RABEP2: variants seen among roughly 807,000 people sequenced by gnomAD.
RABEP2 encodes rabaptin, RAB GTPase binding effector protein 2, also known as rab GTPase-binding effector protein 2.
Under a neutral mutation model 74.1 loss-of-function variants are expected in RABEP2, and 57 were observed. The observed-to-expected ratio is 0.77, with a 90% CI of 0.62 to 0.96. The LOEUF is 0.96. Among genes scored for constraint, RABEP2 ranks in the 40% least tolerant of loss-of-function variants. RABEP2 has a pLI of 0.00. For missense variants in RABEP2, 692 were observed against 756.3 expected, an observed-to-expected ratio of 0.91 and a Z score of 1.00; for synonymous variants, 351 against 344.0, an observed-to-expected ratio of 1.02 and a Z score of -0.23.
intron 5 of RABEP2, among the ~76,000 whole-genome samples, chr16:28,912,549 T>C (rs1964329679): frequency 6.6e-6 from 1 of 151,790 alleles, no homozygotes; most frequent in Non-Finnish European, 1.5e-5. Flanking sequence ...GTAGCCTGGA[T>C]CATAGGCATG....
chr16:28,921,055 G>C, intron 2 of RABEP2: 1 of 406,882 alleles, frequency 2.5e-6, no homozygotes, highest in South Asian at 1.7e-5. Flanking sequence ...GTAGAGACGG[G>C]GTCTCACCAT....
chr16:28,905,416 C>T lies in RABEP2; in HGVS notation c.1589G>A (p.Arg530Gln), dbSNP rs769823303. ...TSEQVQRDFV[R>Q]LSQALQVRLE... ...CCATACCTGCAGGGCCTGGGACAGTCGCACGAAATCCCTCTGCACCTGCTC... is the reference window on the plus strand; with the variant it reads ...CCATACCTGCAGGGCCTGGGACAGTTGCACGAAATCCCTCTGCACCTGCTC... Residue 530 changes from arginine to glutamine, a missense_variant, in exon 12 of 13, where the codon CGA becomes CAA. Physicochemically the swap from Arg to Gln is conservative, Grantham distance 43. Transcript: ENST00000358201. 1.8e-5 allele frequency: 29 copies of T among 1,606,262 alleles called. 1 individual carries two copies. The South Asian group carries it at 2.7e-4, about 15-fold the overall frequency.
chr16:28,924,865 C>G (rs775590820), intron 1 of RABEP2: 1 of 738,610 alleles, frequency 1.4e-6, no homozygotes, highest in South Asian at 1.5e-5. Flanking sequence ...GCCCCGCCCT[C>G]CTAGTGGCCG....
At chr16:28,913,814 C>G (rs1011976104) in intron 5 of RABEP2, among the ~76,000 whole-genome samples, 1 of 142,302 alleles carries the variant, frequency 7.0e-6, no homozygotes, top group Non-Finnish European at 1.5e-5. Context: ...CAGGTTCTCA[C>G]TCTGTGACCC....
At chr16:28,905,107 G>T (rs1300321944) in intron 12 of RABEP2, 63 bp from the exon 13 acceptor site, 2 of 1,408,528 alleles carry the variant, frequency 1.4e-6, no homozygotes, top group Non-Finnish European at 1.9e-6. Flanking sequence ...TACCCCACCT[G>T]CCAGCCCCCA....
intron 2 of RABEP2, 146 bp downstream of exon 2, chr16:28,924,257 G>A (rs1026975575): frequency 2.4e-5 from 17 of 722,782 alleles, no homozygotes; most frequent in Non-Finnish European, 3.8e-5. Context: ...TTAAAAGGGC[G>A]GCCCTTCCTC....
chr16:28,925,085 G>T lies in RABEP2; in HGVS notation c.61+18C>A. On this transcript the variant is annotated intron_variant, in intron 1 of 12. Coordinates refer to ENST00000358201, the MANE Select transcript of RABEP2 (RefSeq NM_024816.3). ...CAGCATCACCGTTCCCCGCTTGCAC[G>T]GACGCCCCCTCACGTACCAGCCCCC... is the stretch of plus-strand genomic sequence containing the variant. 2 of 1,546,312 alleles carry T rather than the reference G, an allele frequency of 1.3e-6. No homozygotes were observed. Among genetic ancestry groups the T allele is most frequent in the Non-Finnish European group, 1.7e-6 (2 of 1,154,880 alleles).
intron 1 of RABEP2, 168 bp from the exon 2 acceptor site, chr16:28,924,783 T>G: frequency 1.7e-6 from 1 of 595,754 alleles, no homozygotes; most frequent in Non-Finnish European, 3.0e-6. Flanking sequence ...CCACTCGCTC[T>G]GCCGGGTGCT....
chr16:28,916,607 G>C (rs746113993), intron 3 of RABEP2, among the ~76,000 whole-genome samples: 4 of 150,574 alleles, frequency 2.7e-5, no homozygotes, highest in Non-Finnish European at 4.4e-5. Flanking sequence ...GGGAGGTGGA[G>C]GTTGCAGTGA....
rs1964189554 is a variant in RABEP2 at position 28,904,498 on chromosome 16, G to A, written c.*445C>T. The A allele has an allele frequency of 6.7e-7, 1 of 1,489,534 alleles. No homozygotes were observed. The highest frequency in any genetic ancestry group is 1.2e-5 in the South Asian group (1 of 82,780). The allele number at this position is 1,489,534 out of a possible 1,614,324, so 92.3% of individuals were successfully genotyped here. ...CCTCTGTGCAAGCTTGGAGGCCTGGGTCGCCGCTGTGGACAAGCGTCTTAG... is the reference window on the plus strand; with the variant it reads ...CCTCTGTGCAAGCTTGGAGGCCTGGATCGCCGCTGTGGACAAGCGTCTTAG... On this transcript the variant is annotated 3_prime_UTR_variant, in exon 13 of 13. Transcript: ENST00000358201.
intron 5 of RABEP2, among the ~76,000 whole-genome samples, 176 bp downstream of exon 5, chr16:28,914,060 C>T (rs985521380): frequency 6.6e-6 from 1 of 151,900 alleles, no homozygotes; most frequent in Non-Finnish European, 1.5e-5. Context: ...CAGGTGTGAG[C>T]CACCGCACCT....
At chr16:28,918,061 G>GTTTTTTGTTTTTTTTTTTTT (rs1964417632) in intron 3 of RABEP2, 1 of 93,220 alleles carries the variant, frequency 1.1e-5, no homozygotes, top group Non-Finnish European at 2.1e-5. Context: ...TCCTATAATT[G>GTTTTTTGTTTTTTTTTTTTT]TTTTTTTTTT....
rs202010929 is a variant in RABEP2, at chr16:28,906,099, G to C, written c.1343C>G (p.Thr448Arg). Residue 448 changes from threonine to arginine, a missense_variant, in exon 9 of 13, where the codon ACG becomes AGG. Physicochemically the swap from Thr to Arg is moderately conservative, Grantham distance 71 (BLOSUM62 -1). Transcript: ENST00000358201. ...CTCCTCCTCCAGAGCCTCCCGCAGC[G>C]TCACGATCTCGATCCGCAGGCGCTC... is the stretch of plus-strand genomic sequence containing the variant. ...GAERLRIEIV[T>R]LREALEEETV... The C allele has an allele frequency of 1.1e-5, 17 of 1,596,630 alleles. No homozygotes were observed. The African/African-American group carries it at 1.5e-4, about 14-fold the overall frequency.
intron 2 of RABEP2, among the ~76,000 whole-genome samples, chr16:28,922,141 G>T (rs1964475077): frequency 6.6e-6 from 1 of 152,174 alleles, no homozygotes; most frequent in South Asian, 2.1e-4. Flanking sequence ...CCAGCTAAGG[G>T]TCTCACTTTG....
intron 1 of RABEP2, chr16:28,924,820 C>T: frequency 1.5e-6 from 1 of 650,416 alleles, no homozygotes; most frequent in African/African-American, 1.8e-5. Flanking sequence ...TTCGCGGTGG[C>T]CAGTTTCACT....
At chr16:28,924,226 T>A (rs916939842) in intron 2 of RABEP2, 177 bp downstream of exon 2, 1 of 609,504 alleles carries the variant, frequency 1.6e-6, no homozygotes, top group Non-Finnish European at 2.9e-6. Flanking sequence ...TGCTATCACA[T>A]GGAGGGCCTC....
intron 3 of RABEP2, among the ~76,000 whole-genome samples, chr16:28,918,377 C>T (rs998708399): frequency 3.3e-5 from 5 of 152,032 alleles, no homozygotes; most frequent in South Asian, 2.1e-4. Flanking sequence ...TTTTGGGAGG[C>T]GGAGGCGGGC....
At chr16:28,910,806 T>C (rs1964300305) in intron 7 of RABEP2, 82 bp downstream of exon 7, 1 of 1,249,776 alleles carries the variant, frequency 8.0e-7, no homozygotes, top group East Asian at 2.3e-5. Context: ...TTCCTTGACT[T>C]CCCACGTGCC....
In RABEP2 at chr16:28,911,134, C is replaced by A; in HGVS notation, c.940G>T (p.Asp314Tyr). 6.2e-7 allele frequency: 1 copy of A among 1,612,814 alleles called. No individual in the cohort carries two copies. Among genetic ancestry groups the A allele is most frequent in the Non-Finnish European group, 8.5e-7 (1 of 1,180,016 alleles). The change falls in exon 6 of 13, where the codon GAC becomes TAC. Residue 314 changes from aspartate (D) to tyrosine (Y), a missense_variant. Coordinates refer to ENST00000358201, the MANE Select transcript of RABEP2 (RefSeq NM_024816.3). ...KDLESVSRER[D>Y]ELQEGLRRSN... ...CGTCTCAGGCCCTCTTGGAGCTCGT[C>A]CCGCTCGCGACTGACGCTCTCCAGG...
Sources: allele counts gnomAD v4.1 joint callset (sites outside exome capture counted in the v4.1 genomes callset), GRCh38; gene constraint gnomAD v4.1.1; transcripts MANE v1.5; gene names NCBI Gene and HGNC (gene_info 2026-07-23, HGNC 2026-07-21).